Variants in ZSWIM6 observed in about 807,000 individuals in gnomAD.
ZSWIM6 encodes zinc finger SWIM domain-containing protein 6.
A neutral mutation model predicts 113.2 loss-of-function variants in ZSWIM6; 9 were observed. That is an observed-to-expected ratio of 0.08 (90% CI 0.05 to 0.14). The LOEUF (loss-of-function observed/expected upper bound fraction) is 0.14, where lower values mean the gene tolerates loss of function less well. Ranked by LOEUF, ZSWIM6 falls within the 10% of genes least tolerant of loss-of-function variation. The pLI, the probability that ZSWIM6 is intolerant of heterozygous loss-of-function variation, is 1.00. For missense variants in ZSWIM6, 1,162 were observed against 1,552.2 expected (o/e 0.75, Z 4.22); for synonymous variants, 611 against 606.5 (o/e 1.01, Z -0.11).
intron 4 of ZSWIM6, among the ~76,000 whole-genome samples, chr5:61,506,270 G>C (rs1308224457): frequency 6.6e-6 from 1 of 152,106 alleles, no homozygotes; most frequent in Non-Finnish European, 1.5e-5. Flanking sequence ...ATTTAAAGGA[G>C]AATGTTTTCC....
chr5:61,375,748 G>A, intron 1 of ZSWIM6: 2 of 1,531,200 alleles, frequency 1.3e-6, no homozygotes, highest in Non-Finnish European at 1.8e-6. Context: ...GAAAAGCAGT[G>A]AAGAACGAGA....
At chr5:61,442,844 A>G (rs543132105) in intron 1 of ZSWIM6, among the ~76,000 whole-genome samples, 148 of 152,328 alleles carry the variant, frequency 9.7e-4, no homozygotes, top group Middle Eastern at 3.4e-3. Context: ...CTTAAATTCT[A>G]TTTATAAGAG....
At chr5:61,353,510 A>G (rs902506569) in intron 1 of ZSWIM6, among the ~76,000 whole-genome samples, 7 of 152,150 alleles carry the variant, frequency 4.6e-5, no homozygotes, top group Admixed American at 1.3e-4. Flanking sequence ...CTTTTTGCAC[A>G]TGTGTCATTC....
chr5:61,380,449 G>T (rs1231806494), intron 1 of ZSWIM6, among the ~76,000 whole-genome samples: 1 of 152,106 alleles, frequency 6.6e-6, no homozygotes, highest in Non-Finnish European at 1.5e-5. Flanking sequence ...TGGTTTTCTT[G>T]CTAAACTTAA....
At chr5:61,356,022 T>C (rs1744900136) in intron 1 of ZSWIM6, among the ~76,000 whole-genome samples, 1 of 152,212 alleles carries the variant, frequency 6.6e-6, no homozygotes, top group South Asian at 2.1e-4. Flanking sequence ...ACATACTTGA[T>C]TTTAACTTTT....
At chr5:61,357,153 C>T (rs375314141) in intron 1 of ZSWIM6, among the ~76,000 whole-genome samples, 75 of 152,128 alleles carry the variant, frequency 4.9e-4, no homozygotes, top group African/African-American at 1.6e-3. Flanking sequence ...GATTCTGATA[C>T]GCACAGAACC....
chr5:61,466,198 A>G (rs137995590), intron 1 of ZSWIM6, among the ~76,000 whole-genome samples: 11 of 152,316 alleles, frequency 7.2e-5, no homozygotes, highest in African/African-American at 2.6e-4. Context: ...GAGTTGGGAA[A>G]GGTAAAAGGG....
At chr5:61,493,652 T>C (rs563398083) in intron 3 of ZSWIM6, among the ~76,000 whole-genome samples, 3 of 152,288 alleles carry the variant, frequency 2.0e-5, no homozygotes, top group Non-Finnish European at 2.9e-5. Flanking sequence ...AGCAAACTTA[T>C]GGCATCTTAC....
chr5:61,405,381 TC>T (rs1289160031), intron 1 of ZSWIM6, among the ~76,000 whole-genome samples: 1 of 152,224 alleles, frequency 6.6e-6, no homozygotes, highest in Non-Finnish European at 1.5e-5. Context: ...GTTTCTTTCA[TC>T]TTTTTATTAG....
At chr5:61,473,362 G>C (rs573080343) in intron 2 of ZSWIM6, among the ~76,000 whole-genome samples, 1 of 152,208 alleles carries the variant, frequency 6.6e-6, no homozygotes, top group South Asian at 2.1e-4. Flanking sequence ...ACACTGACTT[G>C]TGCATATTGT....
intron 4 of ZSWIM6, among the ~76,000 whole-genome samples, chr5:61,506,749 G>A (rs1748632430): frequency 6.6e-6 from 1 of 152,072 alleles, no homozygotes; most frequent in Non-Finnish European, 1.5e-5. Context: ...TCTCCTATTT[G>A]TGACTGCAGT....
rs527683930 is a variant in ZSWIM6, at chr5:61,371,291, A to G, written c.676+38343A>G. Among the ~76,000 whole-genome samples, 3 of 152,328 alleles carry G rather than the reference A, an allele frequency of 2.0e-5. No individual in the cohort carries two copies. In the South Asian group the frequency reaches 6.2e-4, roughly 32 times the overall value. ...AACTCTTAAAATTGATGACTTTATCAACTATCTACACTTATTATGAAGATG... is the reference window on the plus strand; with the variant it reads ...AACTCTTAAAATTGATGACTTTATCGACTATCTACACTTATTATGAAGATG... On this transcript the variant is annotated intron_variant, in intron 1 of 13. Transcript: ENST00000252744.
At chr5:61,377,109 G>GA (rs928797222) in intron 1 of ZSWIM6, among the ~76,000 whole-genome samples, 83 of 152,234 alleles carry the variant, frequency 5.5e-4, no homozygotes, top group Non-Finnish European at 5.9e-4. Flanking sequence ...CTAGATCAGT[G>GA]AAATAAAATA....
At chr5:61,399,672 A>C (rs1745906843) in intron 1 of ZSWIM6, among the ~76,000 whole-genome samples, 1 of 152,232 alleles carries the variant, frequency 6.6e-6, no homozygotes, top group Admixed American at 6.5e-5. Flanking sequence ...ACATTACAAA[A>C]AGAAATGAAA....
intron 1 of ZSWIM6, among the ~76,000 whole-genome samples, chr5:61,465,817 T>A (rs1275551858): frequency 6.6e-6 from 1 of 152,230 alleles, no homozygotes; most frequent in Non-Finnish European, 1.5e-5. Flanking sequence ...TAGGCATTTT[T>A]AAGGTAGTCT....
In ZSWIM6 at chr5:61,342,850, G is replaced by C. The variant is rs1272477405; in HGVS notation, c.676+9902G>C. On this transcript the variant is annotated intron_variant, in intron 1 of 13. Coordinates refer to ENST00000252744, the MANE Select transcript of ZSWIM6 (RefSeq NM_020928.2). ...GTGTTAAGTACATTTACATTGTTAC[G>C]CAAATAATCTCCAGAACTCTAAAAT... Among the ~76,000 whole-genome samples the C allele has an allele frequency of 2.1e-5, 3 of 139,822 alleles. No homozygotes were observed. In the South Asian group the frequency reaches 9.3e-4, roughly 44 times the overall value. The allele number at this position is 139,822 out of a possible 152,430, so 91.7% of individuals were successfully genotyped here.
chr5:61,350,101 T>C (rs1285488831), intron 1 of ZSWIM6, among the ~76,000 whole-genome samples: 2 of 152,194 alleles, frequency 1.3e-5, no homozygotes, highest in Admixed American at 6.5e-5. Flanking sequence ...AATTTAACAA[T>C]AGGGCTGTAC....
chr5:61,337,963 CAT>C (rs1332662372), intron 1 of ZSWIM6, among the ~76,000 whole-genome samples: 13 of 151,966 alleles, frequency 8.6e-5, no homozygotes, highest in South Asian at 2.1e-4. Flanking sequence ...GGTGTGTTCG[CAT>C]ATGTGTGTGT....
chr5:61,509,612 C>A (rs1444665476), intron 4 of ZSWIM6, among the ~76,000 whole-genome samples: 1 of 152,142 alleles, frequency 6.6e-6, no homozygotes, highest in African/African-American at 2.4e-5. Flanking sequence ...TTAAATCACT[C>A]TCTTTGCCTA....
Sources: allele counts gnomAD v4.1 joint callset (sites outside exome capture counted in the v4.1 genomes callset), GRCh38; gene constraint gnomAD v4.1.1; transcripts MANE v1.5; gene names NCBI Gene and HGNC (gene_info 2026-07-23, HGNC 2026-07-21).